The following CFAP299 variants were observed in gnomAD, a reference collection of about 807,000 sequenced individuals.
CFAP299 encodes cilia and flagella associated protein 299, also known as cilia- and flagella-associated protein 299.
A neutral mutation model predicts 27.0 loss-of-function variants in CFAP299; 21 were observed. The ratio of observed to expected loss-of-function variants is 0.78; its 90% CI spans 0.55 to 1.12. The LOEUF (loss-of-function observed/expected upper bound fraction) is 1.12. Among genes scored for constraint, CFAP299 ranks in the 50% most tolerant of loss-of-function variants. CFAP299 has a pLI of 0.00. For missense variants in CFAP299, 310 were observed against 276.6 expected, an observed-to-expected ratio of 1.12 and a Z score of -0.86; for synonymous variants, 104 against 98.1, an observed-to-expected ratio of 1.06 and a Z score of -0.36.
intron 1 of CFAP299, among the ~76,000 whole-genome samples, chr4:80,351,790 T>C (rs1439020215): frequency 6.6e-6 from 1 of 150,816 alleles, no homozygotes; most frequent in Non-Finnish European, 1.5e-5. Context: ...AAGATTAATA[T>C]TAATGTTATA....
chr4:80,951,602 A>G (rs1037518663), intron 5 of CFAP299, among the ~76,000 whole-genome samples: 3 of 152,102 alleles, frequency 2.0e-5, no homozygotes, highest in African/African-American at 7.2e-5. Flanking sequence ...AAATTCACCA[A>G]TCAGAGAACT....
chr4:80,732,360 T>C (rs1000938236), intron 3 of CFAP299, among the ~76,000 whole-genome samples: 2 of 152,180 alleles, frequency 1.3e-5, no homozygotes, highest in African/African-American at 4.8e-5. Context: ...TTGACCTTGA[T>C]TTCTTTCATT....
intron 3 of CFAP299, chr4:80,608,357 G>T: frequency 6.5e-7 from 1 of 1,531,372 alleles, no homozygotes; most frequent in South Asian, 1.2e-5. Context: ...GACTGATGCT[G>T]CTCATATCTT....
At chr4:80,912,636 C>G (rs1176026318) in intron 4 of CFAP299, among the ~76,000 whole-genome samples, 1 of 152,158 alleles carries the variant, frequency 6.6e-6, no homozygotes, top group African/African-American at 2.4e-5. Context: ...GCGTATGGCT[C>G]AAGCCCAAGG....
chr4:80,566,998 A>ATT (rs139864901), intron 2 of CFAP299, among the ~76,000 whole-genome samples: 2 of 151,338 alleles, frequency 1.3e-5, no homozygotes, highest in African/African-American at 2.4e-5. Context: ...AAGCCAACCC[A>ATT]TTTTTTCTCC....
At chr4:80,581,369 C>T (rs1185322483) in intron 2 of CFAP299, among the ~76,000 whole-genome samples, 1 of 149,328 alleles carries the variant, frequency 6.7e-6, no homozygotes, top group African/African-American at 2.5e-5. Context: ...ATCTGATTCT[C>T]TCCTTTGGTA....
chr4:80,765,551 A>G (rs1329415675), intron 3 of CFAP299, among the ~76,000 whole-genome samples: 1 of 152,140 alleles, frequency 6.6e-6, no homozygotes, highest in Admixed American at 6.5e-5. Context: ...TTTTTAAATG[A>G]ATAGGTATAA....
At chr4:80,597,115 T>A (rs928657721) in intron 3 of CFAP299, among the ~76,000 whole-genome samples, 1 of 152,192 alleles carries the variant, frequency 6.6e-6, no homozygotes, top group Non-Finnish European at 1.5e-5. Context: ...ATAGGACCTA[T>A]GTATGTTCAG....
intron 3 of CFAP299, among the ~76,000 whole-genome samples, chr4:80,799,883 T>TA (rs1249851391): frequency 5.2e-5 from 2 of 38,270 alleles, no homozygotes; most frequent in Admixed American, 5.2e-4. Flanking sequence ...TTATATTATA[T>TA]AATATATAAA....
At chr4:80,616,646 G>C (rs1170302280) in intron 3 of CFAP299, among the ~76,000 whole-genome samples, 3 of 151,922 alleles carry the variant, frequency 2.0e-5, no homozygotes, top group Non-Finnish European at 2.9e-5. Flanking sequence ...TTCCTGGGGG[G>C]CCCTAAGCAT....
chr4:80,364,897 G>A (rs1190519287), intron 2 of CFAP299, among the ~76,000 whole-genome samples: 2 of 152,118 alleles, frequency 1.3e-5, no homozygotes, highest in Non-Finnish European at 2.9e-5. Flanking sequence ...TGAGGAAAAC[G>A]GCTTCCAGCT....
At chr4:80,390,693 GTGTATATA>G (rs1280897266) in intron 2 of CFAP299, among the ~76,000 whole-genome samples, 28 of 93,834 alleles carry the variant, frequency 3.0e-4, no homozygotes, top group African/African-American at 8.6e-4. Context: ...ACACATATAT[GTGTATATA>G]TGTATATATG....
At chr4:80,657,848 T>C (rs1053106126) in intron 3 of CFAP299, among the ~76,000 whole-genome samples, 9 of 152,194 alleles carry the variant, frequency 5.9e-5, no homozygotes, top group African/African-American at 1.9e-4. Context: ...ATATTGATTC[T>C]TCCTATCCAT....
intron 2 of CFAP299, among the ~76,000 whole-genome samples, chr4:80,528,636 A>G (rs998785358): frequency 6.6e-6 from 1 of 152,166 alleles, no homozygotes; most frequent in Non-Finnish European, 1.5e-5. Flanking sequence ...AATTCCAAGT[A>G]TGTGAATTCA....
chr4:80,345,714 G>T (rs1400866785), intron 1 of CFAP299, among the ~76,000 whole-genome samples: 1 of 152,124 alleles, frequency 6.6e-6, no homozygotes, highest in Non-Finnish European at 1.5e-5. Flanking sequence ...TTGCTTTTGT[G>T]AATAGCGCCA....
intron 3 of CFAP299, among the ~76,000 whole-genome samples, chr4:80,837,433 G>A (rs545796944): frequency 1.6e-4 from 25 of 151,958 alleles, no homozygotes; most frequent in African/African-American, 4.3e-4. Context: ...TATCCTTCCC[G>A]TAGCCCCCCA....
chr4:80,685,807 C>T (rs528049126), intron 3 of CFAP299, among the ~76,000 whole-genome samples: 1 of 152,234 alleles, frequency 6.6e-6, no homozygotes, highest in South Asian at 2.1e-4. Context: ...TTCACACACC[C>T]TGACTTTTTG....
At chr4:80,794,652 C>T (rs996858508) in intron 3 of CFAP299, among the ~76,000 whole-genome samples, 4 of 152,088 alleles carry the variant, frequency 2.6e-5, no homozygotes, top group Admixed American at 6.6e-5. Context: ...AAAGTGAGTG[C>T]GTTGGTCAGA....
At chr4:80,626,779 T>C (rs1365815734) in intron 3 of CFAP299, among the ~76,000 whole-genome samples, 1 of 151,694 alleles carries the variant, frequency 6.6e-6, no homozygotes, top group African/African-American at 2.4e-5. Context: ...ATAAATTATT[T>C]GATGCTTTTA....
Sources: gnomAD v4.1 joint callset for allele counts (sites outside exome capture counted in the v4.1 genomes callset) on GRCh38, gnomAD v4.1.1 for gene constraint, MANE v1.5 for transcripts, NCBI Gene and HGNC (gene_info 2026-07-23, HGNC 2026-07-21) for gene names.